Variants in TENM3 observed in about 807,000 individuals in gnomAD.
The protein encoded by TENM3 is teneurin transmembrane protein 3, also known as teneurin-3.
Under a neutral mutation model 255.1 loss-of-function variants are expected in TENM3, and 63 were observed. The ratio of observed to expected loss-of-function variants is 0.25; its 90% confidence interval spans 0.20 to 0.30. The LOEUF is 0.30. TENM3 is among the 10% of genes least tolerant of loss of function. TENM3 has a pLI of 1.00. For synonymous variants in TENM3, 1,306 were observed against 1,322.3 expected (o/e 0.99, Z 0.27); for missense variants, 2,929 against 3,461.1 (o/e 0.85, Z 3.86).
chr4:181,597,387 C>T, the TENM3 span, among the ~76,000 whole-genome samples: 7 of 152,270 alleles, frequency 4.6e-5, no homozygotes, highest in African/African-American at 1.2e-4. Context: ...CAACTCAGCA[C>T]GTCTACTTTT....
chr4:181,520,425 G>A, the TENM3 span, among the ~76,000 whole-genome samples: 1,333 of 152,126 alleles, frequency 8.8e-3, 21 homozygotes, highest in African/African-American at 0.03. Flanking sequence ...GTGTGTGTAT[G>A]TGTGTGTGTG....
intron 1 of TENM3, among the ~76,000 whole-genome samples, chr4:182,220,937 A>G (rs1320251528): frequency 6.6e-6 from 1 of 152,262 alleles, no homozygotes; most frequent in Non-Finnish European, 1.5e-5. Context: ...AAGCCCCAGC[A>G]TACGAAACTA....
intron 3 of TENM3, among the ~76,000 whole-genome samples, chr4:182,522,744 C>T (rs1160648423): frequency 6.6e-6 from 1 of 152,168 alleles, no homozygotes; most frequent in Non-Finnish European, 1.5e-5. Flanking sequence ...AATCTTGGCT[C>T]TCGTGAATAA....
At chr4:182,616,997 A>G (rs1469576758) in intron 4 of TENM3, among the ~76,000 whole-genome samples, 1 of 152,250 alleles carries the variant, frequency 6.6e-6, no homozygotes, top group African/African-American at 2.4e-5. Flanking sequence ...ATTAGTTTGA[A>G]CACATTGCTA....
intron 3 of TENM3, among the ~76,000 whole-genome samples, chr4:182,386,603 G>A (rs567246051): frequency 5.3e-5 from 8 of 152,216 alleles, no homozygotes; most frequent in African/African-American, 1.4e-4. Flanking sequence ...CAGCGCTTGC[G>A]GGCCAGCTGT....
chr4:181,770,732 G>A, the TENM3 span, among the ~76,000 whole-genome samples: 3 of 148,926 alleles, frequency 2.0e-5, no homozygotes, highest in Non-Finnish European at 4.4e-5. Context: ...TTTTATCTTT[G>A]CACTCAAGAA....
At chr4:181,692,204 A>G in the TENM3 span, among the ~76,000 whole-genome samples, 9 of 152,346 alleles carry the variant, frequency 5.9e-5, no homozygotes, top group African/African-American at 1.9e-4. Flanking sequence ...TATCACATTT[A>G]TAATCAACTT....
At chr4:182,489,203 C>T (rs1185939179) in intron 3 of TENM3, among the ~76,000 whole-genome samples, 7 of 151,942 alleles carry the variant, frequency 4.6e-5, no homozygotes, top group South Asian at 2.1e-4. Flanking sequence ...TTATTTTGAA[C>T]GCATGAAGCC....
chr4:181,841,197 G>T, the TENM3 span, among the ~76,000 whole-genome samples: 21 of 152,060 alleles, frequency 1.4e-4, no homozygotes, highest in African/African-American at 4.8e-4. Flanking sequence ...TCTATGATTT[G>T]ATCCTTTGTG....
At chr4:181,882,547 C>G in the TENM3 span, among the ~76,000 whole-genome samples, 1 of 152,162 alleles carries the variant, frequency 6.6e-6, no homozygotes, top group Non-Finnish European at 1.5e-5. Flanking sequence ...CATAGTTCAG[C>G]TGTGAAAACA....
chr4:182,711,454 T>A (rs1439971137), intron 12 of TENM3: 2 of 190,136 alleles, frequency 1.1e-5, no homozygotes, highest in African/African-American at 2.4e-5. Flanking sequence ...CTCTGTCATG[T>A]GATGTGAGTC....
chr4:182,512,453 A>G (rs1035641128), intron 3 of TENM3, among the ~76,000 whole-genome samples: 19 of 152,210 alleles, frequency 1.2e-4, no homozygotes, highest in African/African-American at 4.6e-4. Flanking sequence ...TTACATCACT[A>G]ATATTTCAGG....
At chr4:181,542,166 T>C in the TENM3 span, among the ~76,000 whole-genome samples, 2 of 152,166 alleles carry the variant, frequency 1.3e-5, no homozygotes, top group African/African-American at 4.8e-5. Context: ...AAGTAGAAAG[T>C]GTCTTCTGAA....
intron 3 of TENM3, among the ~76,000 whole-genome samples, chr4:182,506,961 G>A (rs1397142156): frequency 6.6e-6 from 1 of 152,058 alleles, no homozygotes; most frequent in African/African-American, 2.4e-5. Context: ...ATCTTCATAG[G>A]CACATACTAT....
chr4:181,928,467 G>A, the TENM3 span, among the ~76,000 whole-genome samples: 298 of 151,938 alleles, frequency 2.0e-3, 1 homozygote, highest in African/African-American at 7.0e-3. Flanking sequence ...AAAGCAGGAA[G>A]ACAAGATTGG....
intron 3 of TENM3, among the ~76,000 whole-genome samples, chr4:182,387,402 A>G (rs1241253533): frequency 6.6e-6 from 1 of 152,184 alleles, no homozygotes; most frequent in Non-Finnish European, 1.5e-5. Flanking sequence ...TATCTAGCTC[A>G]GGGATTGTAA....
chr4:182,266,683 G>C (rs998298131), intron 1 of TENM3, among the ~76,000 whole-genome samples: 2 of 152,112 alleles, frequency 1.3e-5, no homozygotes, highest in African/African-American at 4.8e-5. Flanking sequence ...AATCATACAG[G>C]AAGCATTATT....
intron 3 of TENM3, among the ~76,000 whole-genome samples, chr4:182,479,133 A>G (rs1443165109): frequency 6.6e-6 from 1 of 151,802 alleles, no homozygotes; most frequent in African/African-American, 2.4e-5. Flanking sequence ...AATATAGTTA[A>G]GTGTTCAGTT....
At chr4:182,245,546 C>A (rs568121041) in intron 1 of TENM3, among the ~76,000 whole-genome samples, 1 of 152,022 alleles carries the variant, frequency 6.6e-6, no homozygotes, top group East Asian at 1.9e-4. Flanking sequence ...GCGTCGTGGC[C>A]CAGTTTGGGT....
Sources: gnomAD v4.1 joint callset for allele counts (sites outside exome capture counted in the v4.1 genomes callset) on GRCh38, gnomAD v4.1.1 for gene constraint, MANE v1.5 for transcripts, NCBI Gene and HGNC (gene_info 2026-07-23, HGNC 2026-07-21) for gene names.